ATRNL1: variants seen among roughly 807,000 people sequenced by gnomAD.
The protein encoded by ATRNL1 is attractin-like protein 1.
A neutral mutation model predicts 182.7 loss-of-function variants in ATRNL1; 95 were observed. The observed-to-expected ratio is 0.52, with a 90% CI of 0.44 to 0.62. The LOEUF (loss-of-function observed/expected upper bound fraction) is 0.62. ATRNL1 is among the 20% of genes least tolerant of loss of function. The pLI, the probability that ATRNL1 is intolerant of heterozygous loss-of-function variation, is 0.00. For missense variants in ATRNL1, 1,471 were observed against 1,679.5 expected (o/e 0.88, Z 2.17); for synonymous variants, 576 against 568.3 (o/e 1.01, Z -0.19).
intron 8 of ATRNL1, among the ~76,000 whole-genome samples, chr10:115,177,341 C>T (rs1847553504): frequency 6.6e-6 from 1 of 152,036 alleles, no homozygotes; most frequent in Non-Finnish European, 1.5e-5. Flanking sequence ...CCAGCTCTTT[C>T]AAGGAAATGT....
At chr10:115,283,116 T>G (rs945945527) in intron 14 of ATRNL1, among the ~76,000 whole-genome samples, 1 of 152,094 alleles carries the variant, frequency 6.6e-6, no homozygotes, top group African/African-American at 2.4e-5. Flanking sequence ...TATTCTGCCT[T>G]TAAAAATGCC....
At chr10:115,379,913 A>G (rs1857897042) in intron 19 of ATRNL1, among the ~76,000 whole-genome samples, 2 of 151,988 alleles carry the variant, frequency 1.3e-5, no homozygotes, top group Non-Finnish European at 2.9e-5. Context: ...TGCAAGCTCC[A>G]CCTCCCGGGT....
At chr10:115,255,264 T>G (rs1554906467) in intron 10 of ATRNL1, among the ~76,000 whole-genome samples, 8 of 152,228 alleles carry the variant, frequency 5.3e-5, no homozygotes, top group Non-Finnish European at 1.0e-4. Flanking sequence ...TTCCTATCCA[T>G]GAACATGGAA....
chr10:115,536,566 A>C (rs1852023093), intron 25 of ATRNL1, among the ~76,000 whole-genome samples: 1 of 152,192 alleles, frequency 6.6e-6, no homozygotes, highest in African/African-American at 2.4e-5. Flanking sequence ...GTGCTTCCCA[A>C]GTGAGGCAAT....
intron 10 of ATRNL1, 42 bp downstream of exon 10, chr10:115,241,767 A>C: frequency 1.3e-6 from 2 of 1,522,734 alleles, no homozygotes; most frequent in South Asian, 1.2e-5. Context: ...AAATATCAGA[A>C]ATTTTCCATA....
At chr10:115,553,334 A>G (rs1210450162) in intron 26 of ATRNL1, among the ~76,000 whole-genome samples, 3 of 151,416 alleles carry the variant, frequency 2.0e-5, no homozygotes, top group Non-Finnish European at 3.0e-5. Context: ...ACTTCATATT[A>G]CTAGTGAGTC....
chr10:115,146,941 G>A (rs1230417717), intron 5 of ATRNL1, among the ~76,000 whole-genome samples: 8 of 152,010 alleles, frequency 5.3e-5, no homozygotes, highest in Admixed American at 1.3e-4. Context: ...ATATGCAGGT[G>A]CAGGTATCTC....
chr10:115,212,496 G>T (rs1849069384), intron 8 of ATRNL1, among the ~76,000 whole-genome samples: 1 of 151,570 alleles, frequency 6.6e-6, no homozygotes, highest in African/African-American at 2.4e-5. Flanking sequence ...CCATTACTAG[G>T]TATATATCCA....
chr10:115,203,088 T>G (rs1005463164), intron 8 of ATRNL1, among the ~76,000 whole-genome samples: 1 of 152,196 alleles, frequency 6.6e-6, no homozygotes, highest in Non-Finnish European at 1.5e-5. Context: ...AATAAGAGAA[T>G]AGCTTGGTCA....
intron 19 of ATRNL1, among the ~76,000 whole-genome samples, chr10:115,374,681 T>A (rs1857580240): frequency 1.3e-5 from 2 of 151,922 alleles, no homozygotes; most frequent in South Asian, 4.1e-4. Flanking sequence ...AGGTTGTGAT[T>A]CCATGTTTAT....
chr10:115,298,591 G>A (rs1853318744), intron 15 of ATRNL1, among the ~76,000 whole-genome samples: 1 of 152,046 alleles, frequency 6.6e-6, no homozygotes, highest in Non-Finnish European at 1.5e-5. Flanking sequence ...TTATTATCAA[G>A]AGCTATAAGA....
intron 28 of ATRNL1, among the ~76,000 whole-genome samples, chr10:115,926,699 G>C (rs1953246922): frequency 6.6e-6 from 1 of 152,034 alleles, no homozygotes; most frequent in South Asian, 2.1e-4. Context: ...ACCTTCCCAA[G>C]ACTAAACCAG....
intron 13 of ATRNL1, among the ~76,000 whole-genome samples, chr10:115,275,161 G>C (rs1266159353): frequency 1.3e-5 from 2 of 152,162 alleles, no homozygotes; most frequent in Non-Finnish European, 2.9e-5. Flanking sequence ...CAAGGAACCG[G>C]TGTGAGTTTT....
At chr10:115,178,060 A>G (rs970084317) in intron 8 of ATRNL1, among the ~76,000 whole-genome samples, 1 of 150,844 alleles carries the variant, frequency 6.6e-6, no homozygotes, top group African/African-American at 2.4e-5. Flanking sequence ...TTGGGATTAT[A>G]GGCATGCACC....
intron 24 of ATRNL1, among the ~76,000 whole-genome samples, chr10:115,484,816 C>T (rs1024351800): frequency 6.6e-6 from 1 of 151,770 alleles, no homozygotes; most frequent in Non-Finnish European, 1.5e-5. Context: ...TGTTTTAGTG[C>T]TTTAAATTTG....
intron 26 of ATRNL1, among the ~76,000 whole-genome samples, chr10:115,661,823 A>T (rs2133905795): frequency 6.6e-6 from 1 of 152,194 alleles, no homozygotes; most frequent in South Asian, 2.1e-4. Flanking sequence ...CACAACGTGC[A>T]GGTTAGTTAC....
intron 26 of ATRNL1, among the ~76,000 whole-genome samples, chr10:115,624,103 A>AT (rs1453614932): frequency 3.9e-4 from 59 of 152,150 alleles, no homozygotes; most frequent in African/African-American, 1.1e-3. Context: ...TTATGTATTT[A>AT]TTTTTTAATA....
At chr10:115,560,720 A>T (rs1853653450) in intron 26 of ATRNL1, among the ~76,000 whole-genome samples, 1 of 146,898 alleles carries the variant, frequency 6.8e-6, no homozygotes, top group African/African-American at 2.4e-5. Context: ...ACATTCTTGA[A>T]AAAGAACAAA....
intron 17 of ATRNL1, among the ~76,000 whole-genome samples, chr10:115,307,029 T>C (rs979670416): frequency 5.9e-5 from 9 of 152,202 alleles, no homozygotes; most frequent in Non-Finnish European, 1.0e-4. Flanking sequence ...CCATTGTCTC[T>C]CTTGTTTTTG....
Sources: allele counts gnomAD v4.1 joint callset (sites outside exome capture counted in the v4.1 genomes callset), GRCh38; gene constraint gnomAD v4.1.1; transcripts MANE v1.5; gene names NCBI Gene and HGNC (gene_info 2026-07-23, HGNC 2026-07-21).